The following DOCK4 variants were observed in gnomAD, a reference collection of about 807,000 sequenced individuals.
The protein encoded by DOCK4 is dedicator of cytokinesis protein 4.
Under a neutral mutation model 268.1 loss-of-function variants are expected in DOCK4, and 97 were observed. The ratio of observed to expected loss-of-function variants is 0.36; its 90% CI spans 0.31 to 0.43. The LOEUF is 0.43. Among genes scored for constraint, DOCK4 ranks in the 20% least tolerant of loss-of-function variants. DOCK4 has a pLI of 1.00. For missense variants in DOCK4, 2,145 were observed against 2,455.7 expected, an observed-to-expected ratio of 0.87 and a Z score of 2.67; for synonymous variants, 954 against 887.2, an observed-to-expected ratio of 1.08 and a Z score of -1.34.
intron 1 of DOCK4, among the ~76,000 whole-genome samples, chr7:112,051,660 T>G (rs1179203280): frequency 6.6e-6 from 1 of 152,082 alleles, no homozygotes; most frequent in Non-Finnish European, 1.5e-5. Flanking sequence ...TTCTCTTGGC[T>G]GCAAATATAT....
Position 111,739,175 on chromosome 7 carries a change from GTCTC to G in DOCK4, c.5187_5190del (p.Glu1729AspfsTer41). ...GGTGTTGGATAGATGGCACTGCATG[GTCTC>G]TCTCTTGGTGACAGGCAAGAGTTTT... On this transcript the variant is annotated frameshift_variant, in exon 49 of 53. Coordinates refer to ENST00000428084, the MANE Select transcript of DOCK4 (RefSeq NM_001363540.2). LOFTEE classifies it high-confidence loss of function. 6.2e-7 allele frequency: 1 copy of G among 1,613,970 alleles called. No individual in the cohort carries two copies. The highest frequency in any genetic ancestry group is 8.5e-7 in the Non-Finnish European group (1 of 1,179,874).
At chr7:111,810,478 C>T (rs1350811755) in intron 28 of DOCK4, among the ~76,000 whole-genome samples, 1 of 151,354 alleles carries the variant, frequency 6.6e-6, no homozygotes, top group Non-Finnish European at 1.5e-5. Flanking sequence ...AAAAAAAAGT[C>T]AAGAATAGAC....
At chr7:111,856,294 T>C (rs1434931772) in intron 23 of DOCK4, among the ~76,000 whole-genome samples, 2 of 152,212 alleles carry the variant, frequency 1.3e-5, no homozygotes, top group Non-Finnish European at 2.9e-5. Context: ...TCCCAAAATA[T>C]GTGAGTTTAC....
chr7:111,914,491 C>T (rs1792418458), intron 13 of DOCK4, among the ~76,000 whole-genome samples: 1 of 152,158 alleles, frequency 6.6e-6, no homozygotes, highest in Non-Finnish European at 1.5e-5. Context: ...TTCGAATCTC[C>T]ATTCCCATCC....
intron 1 of DOCK4, among the ~76,000 whole-genome samples, chr7:112,185,982 A>G (rs1819469224): frequency 6.6e-6 from 1 of 152,234 alleles, no homozygotes; most frequent in South Asian, 2.1e-4. Context: ...GCCTTCTGGA[A>G]GCACACCATC....
intron 35 of DOCK4, among the ~76,000 whole-genome samples, chr7:111,781,317 C>A (rs1367589278): frequency 6.6e-6 from 1 of 152,180 alleles, no homozygotes; most frequent in Admixed American, 6.6e-5. Context: ...TCTCCCAACA[C>A]TGACATACAA....
At chr7:111,817,078 C>T (rs1801614220) in intron 27 of DOCK4, among the ~76,000 whole-genome samples, 1 of 152,200 alleles carries the variant, frequency 6.6e-6, no homozygotes, top group Non-Finnish European at 1.5e-5. Context: ...GTTTTGACCT[C>T]TTAGGCTTAA....
chr7:112,084,754 T>C (rs1209802311), intron 1 of DOCK4, among the ~76,000 whole-genome samples: 2 of 152,108 alleles, frequency 1.3e-5, no homozygotes, highest in Non-Finnish European at 1.5e-5. Context: ...GATATCCAGA[T>C]TTAATGCCAA....
At chr7:111,938,741 G>A (rs1041118270) in intron 11 of DOCK4, among the ~76,000 whole-genome samples, 2 of 152,128 alleles carry the variant, frequency 1.3e-5, no homozygotes, top group African/African-American at 2.4e-5. Context: ...TTGAAAGAGC[G>A]TCTTTACAGA....
chr7:112,140,656 T>C (rs1369058675), intron 1 of DOCK4, among the ~76,000 whole-genome samples: 1 of 135,370 alleles, frequency 7.4e-6, no homozygotes, highest in Non-Finnish European at 1.7e-5. Flanking sequence ...TCTTACCTGA[T>C]GCATTTTTTA....
chr7:111,943,609 C>A (rs1470833529), intron 10 of DOCK4, among the ~76,000 whole-genome samples: 1 of 152,194 alleles, frequency 6.6e-6, no homozygotes, highest in African/African-American at 2.4e-5. Flanking sequence ...GGCTTTATCT[C>A]ATAAGAAAAC....
chr7:111,734,725 A>G (rs890825542), intron 51 of DOCK4, among the ~76,000 whole-genome samples: 6 of 152,210 alleles, frequency 3.9e-5, no homozygotes, highest in Admixed American at 2.6e-4. Flanking sequence ...GCGGAGGTTG[A>G]TAAGAATGAA....
chr7:112,092,413 G>C (rs1262233540), intron 1 of DOCK4, among the ~76,000 whole-genome samples: 1 of 152,102 alleles, frequency 6.6e-6, no homozygotes, highest in Non-Finnish European at 1.5e-5. Context: ...GAAGATGTTA[G>C]AACTCAATTA....
chr7:111,863,194 G>A (rs1203714192), intron 23 of DOCK4, 178 bp downstream of exon 23: 5 of 646,166 alleles, frequency 7.7e-6, no homozygotes, highest in Non-Finnish European at 1.3e-5. Context: ...CAGAAATAAA[G>A]TTTTAATTGC....
At chr7:111,822,073 C>T (rs1480506514) in intron 27 of DOCK4, among the ~76,000 whole-genome samples, 2 of 152,090 alleles carry the variant, frequency 1.3e-5, no homozygotes, top group African/African-American at 4.8e-5. Flanking sequence ...TAAAGGAACA[C>T]TAGGAGGACA....
intron 1 of DOCK4, among the ~76,000 whole-genome samples, chr7:112,128,210 C>T (rs1813420202): frequency 6.6e-6 from 1 of 152,232 alleles, no homozygotes; most frequent in Non-Finnish European, 1.5e-5. Context: ...AGATGACCTT[C>T]TCAGTGTTAA....
At chr7:112,066,659 T>TTATACA (rs1390713799) in intron 1 of DOCK4, among the ~76,000 whole-genome samples, 2 of 70,150 alleles carry the variant, frequency 2.9e-5, no homozygotes, top group Non-Finnish European at 4.9e-5. Context: ...TATACACATA[T>TTATACA]TATACATATA....
intron 12 of DOCK4, among the ~76,000 whole-genome samples, chr7:111,918,270 C>T (rs191359795): frequency 9.2e-5 from 14 of 152,120 alleles, no homozygotes; most frequent in South Asian, 4.1e-4. Context: ...AGAGCTGTCG[C>T]GAGAATTACA....
chr7:112,077,492 C>T (rs970993484), intron 1 of DOCK4, among the ~76,000 whole-genome samples: 10 of 151,934 alleles, frequency 6.6e-5, no homozygotes, highest in South Asian at 2.1e-4. Context: ...AACAAAATTA[C>T]GCATCATTTC....
Sources: allele counts gnomAD v4.1 joint callset (sites outside exome capture counted in the v4.1 genomes callset), GRCh38; gene constraint gnomAD v4.1.1; transcripts MANE v1.5; gene names NCBI Gene and HGNC (gene_info 2026-07-23, HGNC 2026-07-21).